PCDHGB7: variants seen among roughly 807,000 people sequenced by gnomAD.
The protein encoded by PCDHGB7 is protocadherin gamma-B7.
In PCDHGB7, 37 loss-of-function variants were observed where a neutral mutation model predicts 61.4. The ratio of observed to expected loss-of-function variants is 0.60; its 90% CI spans 0.46 to 0.79. The LOEUF (loss-of-function observed/expected upper bound fraction) is 0.79. Ranked by LOEUF, PCDHGB7 falls within the 30% of genes least tolerant of loss-of-function variation. The probability of loss-of-function intolerance (pLI) is 0.00; values close to 1 mark genes in which losing one functional copy is unlikely to be tolerated. For synonymous variants in PCDHGB7, 464 were observed against 503.5 expected, an observed-to-expected ratio of 0.92 and a Z score of 1.05; for missense variants, 1,166 against 1,202.5, an observed-to-expected ratio of 0.97 and a Z score of 0.45.
At chr5:141,425,521 C>A (rs2096880944) in intron 1 of PCDHGB7, among the ~76,000 whole-genome samples, 1 of 152,210 alleles carries the variant, frequency 6.6e-6, no homozygotes, top group Non-Finnish European at 1.5e-5. Flanking sequence ...TATGATGAAA[C>A]ATGAAACAAT....
chr5:141,421,174 C>T (rs2096550677), intron 1 of PCDHGB7: 2 of 1,378,742 alleles, frequency 1.5e-6, no homozygotes, highest in Non-Finnish European at 1.9e-6. Flanking sequence ...ATACATAAGC[C>T]GATTCACAAC....
intron 1 of PCDHGB7, chr5:141,441,867 GCCTGGCTA>G (rs2098280856): frequency 1.2e-5 from 4 of 345,682 alleles, no homozygotes; most frequent in Non-Finnish European, 2.3e-5. Flanking sequence ...ACGCCGCGGA[GCCTGGCTA>G]CCTGGTCACC....
intron 1 of PCDHGB7, among the ~76,000 whole-genome samples, chr5:141,468,046 C>T (rs540273405): frequency 1.3e-4 from 20 of 152,174 alleles, no homozygotes; most frequent in Non-Finnish European, 2.8e-4. Flanking sequence ...AAAACTAAGC[C>T]GGGCACAGTG....
intron 1 of PCDHGB7, chr5:141,423,333 C>T (rs761192305): frequency 3.1e-6 from 5 of 1,614,184 alleles, no homozygotes; most frequent in Non-Finnish European, 4.2e-6. Context: ...CCGCAGTCTC[C>T]TGCATCTTCC....
Position 141,419,049 on chromosome 5 carries a change from C to T in PCDHGB7, c.1190C>T (p.Ser397Phe). The change falls in exon 1 of 4, where the codon TCT becomes TTT. Residue 397 changes from serine (S) to phenylalanine (F), a missense_variant. Transcript: ENST00000398594. ...GGTGTTCCATTTAAGATTCATTCTT[C>T]TTCTAATAATTACTACAAGCTAGTA... ...SRGVPFKIHSSSNNYYKLVTD... is the reference protein window; with the variant it reads ...SRGVPFKIHSFSNNYYKLVTD... 6 of 1,613,954 alleles carry T rather than the reference C, an allele frequency of 3.7e-6. No homozygotes were observed. The highest frequency in any genetic ancestry group is 5.1e-6 in the Non-Finnish European group (6 of 1,179,870).
chr5:141,464,263 TAAA>T (rs35224477), intron 1 of PCDHGB7, among the ~76,000 whole-genome samples: 2 of 103,604 alleles, frequency 1.9e-5, no homozygotes, highest in Non-Finnish European at 1.9e-5. Flanking sequence ...AGACTCCGTC[TAAA>T]AAAAAAAAAA....
intron 1 of PCDHGB7, among the ~76,000 whole-genome samples, chr5:141,436,521 C>T (rs2097829891): frequency 6.6e-6 from 1 of 152,086 alleles, no homozygotes; most frequent in African/African-American, 2.4e-5. Flanking sequence ...AACTGTGTCA[C>T]CTTTAGCAAG....
intron 1 of PCDHGB7, among the ~76,000 whole-genome samples, chr5:141,469,436 G>T (rs556417221): frequency 6.6e-6 from 1 of 152,002 alleles, no homozygotes; most frequent in Non-Finnish European, 1.5e-5. Flanking sequence ...TTAGCTGGGC[G>T]TGGTGGTGCA....
chr5:141,489,983 G>T lies in PCDHGB7; in HGVS notation c.2416-4824G>T. ...CCAACCTTCCAATCCTCAGTTCTACGTGTGGGAATCCCAGAGAATGCACCC... is the reference window on the plus strand; with the variant it reads ...CCAACCTTCCAATCCTCAGTTCTACTTGTGGGAATCCCAGAGAATGCACCC... On this transcript the variant is annotated intron_variant, in intron 1 of 3. Coordinates refer to ENST00000398594, the MANE Select transcript of PCDHGB7 (RefSeq NM_018927.4). The surrounding 1 kb of genome is among the most constrained non-coding windows in gnomAD (Gnocchi z 4.5). The T allele has an allele frequency of 6.2e-7, 1 of 1,614,172 alleles. No homozygotes were observed. Among genetic ancestry groups the T allele is most frequent in the Non-Finnish European group, 8.5e-7 (1 of 1,179,996 alleles).
At position 141,419,364 on chromosome 5, in the gene PCDHGB7, C is replaced by T. The variant is rs1360235541; in HGVS notation, c.1505C>T (p.Ser502Leu). 1.1e-5 allele frequency: 18 copies of T among 1,613,690 alleles called. No homozygotes were observed. Among genetic ancestry groups the T allele is most frequent in the Non-Finnish European group, 1.3e-5 (15 of 1,179,912 alleles). Reference sequence around the variant, plus strand: ...AGCGACCTGGAGTCACGAACGCTGTCGTCCTACGTGTCCGTGAGCGCGCAG... The same window carrying T: ...AGCGACCTGGAGTCACGAACGCTGTTGTCCTACGTGTCCGTGAGCGCGCAG... Reference protein sequence around the residue: ...IASDLESRTLSSYVSVSAQSG... With the variant: ...IASDLESRTLLSYVSVSAQSG... The change falls in exon 1 of 4, where the codon TCG becomes TTG. Residue 502 changes from serine to leucine, a missense_variant. Physicochemically the swap from Ser to Leu is moderately radical, Grantham distance 145 (BLOSUM62 -2). Transcript: ENST00000398594.
chr5:141,505,418 A>T lies in PCDHGB7; in HGVS notation c.2500A>T (p.Thr834Ser). 1 of 1,614,186 alleles carries T rather than the reference A, an allele frequency of 6.2e-7. No homozygotes were observed. Among genetic ancestry groups the T allele is most frequent in the East Asian group, 2.2e-5 (1 of 44,876 alleles). The change falls in exon 3 of 4, where the codon ACC becomes TCC. Residue 834 changes from threonine to serine, a missense_variant. By Grantham distance (58) the Thr-to-Ser change is moderately conservative. Coordinates refer to ENST00000398594, the MANE Select transcript of PCDHGB7 (RefSeq NM_018927.4). ...SGSQNGDDTG[T>S]WPNNQFDTEM... ...CTCCCAAAATGGCGATGACACCGGC[A>T]CCTGGCCCAACAACCAGTTTGACAC...
At chr5:141,497,719 T>C (rs1311566820) in intron 2 of PCDHGB7, among the ~76,000 whole-genome samples, 2 of 152,076 alleles carry the variant, frequency 1.3e-5, no homozygotes, top group Non-Finnish European at 2.9e-5. Context: ...TTTGTATTTT[T>C]AGTAGAGATG....
At chr5:141,470,015 G>C (rs999085849) in intron 1 of PCDHGB7, among the ~76,000 whole-genome samples, 1 of 152,130 alleles carries the variant, frequency 6.6e-6, no homozygotes, top group Non-Finnish European at 1.5e-5. Context: ...TGTAATCCCA[G>C]CTACTCGGGA....
Position 141,511,409 on chromosome 5 carries a change from G to C in PCDHGB7, c.*236G>C, listed in dbSNP as rs999907393. On this transcript the variant is annotated 3_prime_UTR_variant, in exon 4 of 4. Coordinates refer to ENST00000398594, the MANE Select transcript of PCDHGB7 (RefSeq NM_018927.4). Reference sequence around the variant, plus strand: ...GGGAACCCCCATCCAATCAACTGCTGTACCCATGGGGGTAGTGGGGTTACT... The same window carrying C: ...GGGAACCCCCATCCAATCAACTGCTCTACCCATGGGGGTAGTGGGGTTACT... The C allele has an allele frequency of 1.1e-6, 1 of 908,516 alleles. No homozygotes were observed. The highest frequency in any genetic ancestry group is 1.7e-5 in the African/African-American group (1 of 59,504). The allele number at this position is 908,516 out of a possible 1,614,324, so 56.3% of individuals were successfully genotyped here.
chr5:141,428,388 C>A, intron 1 of PCDHGB7: 1 of 506,160 alleles, frequency 2.0e-6, no homozygotes, highest in African/African-American at 1.9e-5. Flanking sequence ...GCTCTTCCAG[C>A]CCCTCTGCCT....
intron 1 of PCDHGB7, chr5:141,484,904 C>A: frequency 2.5e-6 from 1 of 405,682 alleles, no homozygotes; most frequent in Non-Finnish European, 4.4e-6. Context: ...TCCAATGCTG[C>A]GACGCATTAA....
At chr5:141,510,238 A>C (rs2099880007) in intron 3 of PCDHGB7, among the ~76,000 whole-genome samples, 1 of 149,340 alleles carries the variant, frequency 6.7e-6, no homozygotes, top group Non-Finnish European at 1.5e-5. Flanking sequence ...GCGCCACTGC[A>C]CTCCAGGCTG....
At chr5:141,445,805 A>G (rs2098478274) in intron 1 of PCDHGB7, among the ~76,000 whole-genome samples, 2 of 152,236 alleles carry the variant, frequency 1.3e-5, no homozygotes, top group South Asian at 4.1e-4. Flanking sequence ...GAAAATAAAT[A>G]GATGAAACTA....
In PCDHGB7 at chr5:141,491,511, C is replaced by G. The variant is rs777448782; in HGVS notation, c.2416-3296C>G. 6.2e-7 allele frequency: 1 copy of G among 1,614,080 alleles called. No individual in the cohort carries two copies. The highest frequency in any genetic ancestry group is 8.5e-7 in the Non-Finnish European group (1 of 1,180,018). ...TGCAGGTGAGCTCGGACGGCACGCT[C>G]AAGTACATGGAGGTGACGCTGCGGC... On this transcript the variant is annotated intron_variant, in intron 1 of 3. Transcript: ENST00000398594. This position sits in a 1 kb window ranked among gnomAD's most constrained non-coding sequence, Gnocchi z 6.9.
Sources: gnomAD v4.1 joint callset for allele counts (sites outside exome capture counted in the v4.1 genomes callset) on GRCh38, gnomAD v4.1.1 for gene constraint, Gnocchi (gnomAD v3.1) non-coding constraint, MANE v1.5 for transcripts, NCBI Gene and HGNC (gene_info 2026-07-23, HGNC 2026-07-21) for gene names.